Variants in PTER observed in about 807,000 individuals in gnomAD.
The protein encoded by PTER is N-acetyltaurine hydrolase.
Under a neutral mutation model 29.6 loss-of-function variants are expected in PTER, and 38 were observed. That is an observed-to-expected ratio of 1.28 (90% CI 0.99 to 1.68). The LOEUF is 1.68. Among genes scored for constraint, PTER ranks in the 40% most tolerant of loss-of-function variants. PTER has a pLI of 0.00. For synonymous variants in PTER, 172 were observed against 154.5 expected, an observed-to-expected ratio of 1.11 and a Z score of -0.84; for missense variants, 482 against 427.8, an observed-to-expected ratio of 1.13 and a Z score of -1.12.
At chr10:16,478,235 G>C (rs185393743) in intron 1 of PTER, among the ~76,000 whole-genome samples, 1 of 152,116 alleles carries the variant, frequency 6.6e-6, no homozygotes, top group East Asian at 1.9e-4. Flanking sequence ...TATTGCACTT[G>C]TCCCAACTCT....
At chr10:16,449,039 A>G (rs1207023645) in intron 1 of PTER, among the ~76,000 whole-genome samples, 8 of 152,256 alleles carry the variant, frequency 5.3e-5, no homozygotes, top group African/African-American at 1.9e-4. Context: ...TCTTCTGCAC[A>G]GGCCAAATAG....
chr10:16,510,638 G>C (rs1836774245), intron 4 of PTER, among the ~76,000 whole-genome samples: 1 of 152,156 alleles, frequency 6.6e-6, no homozygotes, highest in African/African-American at 2.4e-5. Flanking sequence ...AAAGGAGAGA[G>C]CAAGAATGAG....
chr10:16,514,512 C>G (rs114662300), downstream of PTER: 2 of 1,607,646 alleles, frequency 1.2e-6, no homozygotes, highest in African/African-American at 2.7e-5. Context: ...GAATAATAAG[C>G]TTAGTTTCTG....
chr10:16,502,390 A>T (rs1305887831), intron 3 of PTER, among the ~76,000 whole-genome samples: 2 of 152,180 alleles, frequency 1.3e-5, no homozygotes, highest in African/African-American at 2.4e-5. Context: ...CTTTCAGCCT[A>T]GTAATTTTGG....
intron 1 of PTER, among the ~76,000 whole-genome samples, chr10:16,478,044 C>G (rs927276392): frequency 6.6e-6 from 1 of 152,154 alleles, no homozygotes; most frequent in Admixed American, 6.5e-5. Flanking sequence ...ATTCAAATAA[C>G]TTGGTGTATG....
At position 16,461,781 on chromosome 10, in the gene PTER, A is replaced by G. The variant is rs780246431; in HGVS notation, c.-48-22556A>G. 1.6e-4 allele frequency among the ~76,000 whole-genome samples: 24 copies of G among 152,200 alleles called. 1 individual carries two copies. The highest frequency in any genetic ancestry group is 6.5e-4 in the Admixed American group (10 of 15,272). On this transcript the variant is annotated intron_variant, in intron 1 of 4. Transcript: ENST00000535784. ...TTGTCTTTTCATTTTTGTAATCATC[A>G]AACCATTTTAAGCATATTCTGAATC... is the stretch of plus-strand genomic sequence containing the variant.
At chr10:16,484,931 C>A in intron 2 of PTER, 115 bp downstream of exon 2, 2 of 1,207,234 alleles carry the variant, frequency 1.7e-6, no homozygotes, top group Non-Finnish European at 2.2e-6. Flanking sequence ...TGCTAGCTAG[C>A]AAAGACATCT....
chr10:16,449,487 G>A (rs1269792653), intron 1 of PTER, among the ~76,000 whole-genome samples: 1 of 129,164 alleles, frequency 7.7e-6, no homozygotes, highest in Non-Finnish European at 1.5e-5. Context: ...CCAGGGTACA[G>A]TGCAGTGGTG....
At chr10:16,450,156 C>A (rs1834154199) in intron 1 of PTER, among the ~76,000 whole-genome samples, 1 of 152,140 alleles carries the variant, frequency 6.6e-6, no homozygotes, top group African/African-American at 2.4e-5. Context: ...GTAGCGCACC[C>A]CCTCATGGGT....
chr10:16,464,595 AT>A (rs1404419039), intron 1 of PTER, among the ~76,000 whole-genome samples: 2 of 152,034 alleles, frequency 1.3e-5, no homozygotes, highest in Non-Finnish European at 2.9e-5. Flanking sequence ...TTGTGTCAGT[AT>A]TTTTCACTGT....
At chr10:16,441,232 T>C (rs939910527) in intron 1 of PTER, among the ~76,000 whole-genome samples, 5 of 152,216 alleles carry the variant, frequency 3.3e-5, no homozygotes, top group African/African-American at 9.7e-5. Context: ...TCAGTGCACT[T>C]CCAAGTTTTC....
intron 3 of PTER, among the ~76,000 whole-genome samples, chr10:16,497,635 A>G (rs542784677): frequency 6.6e-6 from 1 of 152,332 alleles, no homozygotes; most frequent in East Asian, 1.9e-4. Context: ...TGCTTTTGTT[A>G]TCTTGATCCT....
intron 3 of PTER, among the ~76,000 whole-genome samples, chr10:16,488,203 C>T (rs1204656655): frequency 6.6e-6 from 1 of 152,162 alleles, no homozygotes; most frequent in Non-Finnish European, 1.5e-5. Context: ...AGGCATGCTT[C>T]TATATACTGG....
At chr10:16,446,010 T>C (rs760678261) in intron 1 of PTER, among the ~76,000 whole-genome samples, 4 of 152,174 alleles carry the variant, frequency 2.6e-5, no homozygotes, top group Non-Finnish European at 5.9e-5. Context: ...CCGTTATCAT[T>C]TAGTAAAGTG....
At chr10:16,508,475 G>A (rs969947986) in intron 4 of PTER, among the ~76,000 whole-genome samples, 3 of 152,072 alleles carry the variant, frequency 2.0e-5, no homozygotes, top group African/African-American at 4.8e-5. Flanking sequence ...TTGCACACCT[G>A]TGTCTCGCAT....
intron 3 of PTER, among the ~76,000 whole-genome samples, chr10:16,491,955 CAT>C (rs1835915774): frequency 6.6e-6 from 1 of 152,094 alleles, no homozygotes; most frequent in Non-Finnish European, 1.5e-5. Context: ...CACACACACA[CAT>C]ACACTCATTG....
chr10:16,474,303 C>T lies in PTER; in HGVS notation c.-48-10034C>T, dbSNP rs74674778. 2.2e-3 allele frequency among the ~76,000 whole-genome samples: 337 copies of T among 152,220 alleles called. 1 individual carries two copies. Among genetic ancestry groups the T allele is most frequent in the African/African-American group, 7.9e-3 (328 of 41,542 alleles). On this transcript the variant is annotated intron_variant, in intron 1 of 4. Transcript: ENST00000535784. Reference sequence around the variant, plus strand: ...TATTTTTGCAAAACTTTTTTCATCACTGGGGTACAAAAGTCAAGAAAAGAA... The same window carrying T: ...TATTTTTGCAAAACTTTTTTCATCATTGGGGTACAAAAGTCAAGAAAAGAA...
chr10:16,453,918 G>T (rs1446107183), intron 1 of PTER, among the ~76,000 whole-genome samples: 1 of 152,134 alleles, frequency 6.6e-6, no homozygotes, highest in Admixed American at 6.6e-5. Context: ...AAATCACTTT[G>T]TTCCACTCCC....
At chr10:16,484,946 G>T in intron 2 of PTER, 130 bp downstream of exon 2, 3 of 1,070,396 alleles carry the variant, frequency 2.8e-6, no homozygotes, top group Non-Finnish European at 3.9e-6. Context: ...ACATCTGCCA[G>T]TTGGGGCCCC....
Sources: gnomAD v4.1 joint callset for allele counts (sites outside exome capture counted in the v4.1 genomes callset) on GRCh38, gnomAD v4.1.1 for gene constraint, MANE v1.5 for transcripts, NCBI Gene and HGNC (gene_info 2026-07-23, HGNC 2026-07-21) for gene names.